The following TIMM23B variants were observed in gnomAD, a reference collection of about 807,000 sequenced individuals.
The protein encoded by TIMM23B is mitochondrial import inner membrane translocase subunit Tim23B.
In TIMM23B, 27 loss-of-function variants were observed where a neutral mutation model predicts 27.3. The observed-to-expected ratio is 0.99, with a 90% CI of 0.73 to 1.36. The LOEUF (loss-of-function observed/expected upper bound fraction) is 1.36, where lower values mean the gene tolerates loss of function less well. TIMM23B is among the 40% of genes most tolerant of loss of function. The pLI is 0.00. For synonymous variants in TIMM23B, 73 were observed against 92.4 expected, an observed-to-expected ratio of 0.79 and a Z score of 1.21; for missense variants, 205 against 244.2, an observed-to-expected ratio of 0.84 and a Z score of 1.07.
chr10:49,973,536 G>T lies in TIMM23B; in HGVS notation c.*472G>T. Reference sequence around the variant, plus strand: ...ACAAAAAAATGAAAACATTGGCTGGGCATGGTGGCTCATTCCTATAGTTCA... The same window carrying T: ...ACAAAAAAATGAAAACATTGGCTGGTCATGGTGGCTCATTCCTATAGTTCA... On this transcript the variant is annotated 3_prime_UTR_variant, in exon 7 of 7. Coordinates refer to ENST00000651259, the MANE Select transcript of TIMM23B (RefSeq NM_001290117.2). 1 of 157,764 alleles carries T rather than the reference G, an allele frequency of 6.3e-6. No homozygotes were observed. The highest frequency in any genetic ancestry group is 1.4e-5 in the Non-Finnish European group (1 of 71,876). 9.8% of individuals were successfully genotyped at this position (157,764 alleles called of 1,614,324 possible).
intron 6 of TIMM23B, chr10:49,972,640 TAAGA>T (rs1840502343): frequency 4.2e-6 from 1 of 237,530 alleles, no homozygotes; most frequent in African/African-American, 2.3e-5. Context: ...TGAATATGTT[TAAGA>T]AAGTATACTT....
Position 49,971,386 on chromosome 10 carries a change from A to G in TIMM23B, c.515-1626A>G, listed in dbSNP as rs1237332131. 5.9e-5 allele frequency among the ~76,000 whole-genome samples: 9 copies of G among 152,104 alleles called. 1 individual carries two copies. Among genetic ancestry groups the G allele is most frequent in the East Asian group, 1.9e-4 (1 of 5,192 alleles). On this transcript the variant is annotated intron_variant, in intron 6 of 6. Transcript: ENST00000651259. ...CATCTGCCCCAGAACTGCCTGTCCA[A>G]CCTGGACTGACATCATCCTTGTTAT... is the stretch of plus-strand genomic sequence containing the variant.
At chr10:49,953,696 T>A in intron 4 of TIMM23B, among the ~76,000 whole-genome samples, 1 of 152,064 alleles carries the variant, frequency 6.6e-6, no homozygotes, top group East Asian at 1.9e-4. Context: ...GTCCATGCTT[T>A]ACCAGCCTAG....
chr10:49,970,443 C>T (rs1216485123), intron 6 of TIMM23B: 22 of 165,278 alleles, frequency 1.3e-4, no homozygotes, highest in Non-Finnish European at 2.0e-4. Context: ...TGCCTGGCCG[C>T]GACCCCGTCT....
chr10:49,968,758 C>G (rs1840283082), intron 6 of TIMM23B, among the ~76,000 whole-genome samples: 1 of 152,016 alleles, frequency 6.6e-6, no homozygotes, highest in Non-Finnish European at 1.5e-5. Context: ...TGGCGTGAAC[C>G]TGGGAGGCAA....
chr10:49,970,384 G>A (rs1470234090), intron 6 of TIMM23B: 3 of 175,026 alleles, frequency 1.7e-5, no homozygotes, highest in African/African-American at 7.2e-5. Flanking sequence ...TCTGAGATGA[G>A]GGGAGCGCCT....
At chr10:49,970,745 G>A (rs1430638931) in intron 6 of TIMM23B, among the ~76,000 whole-genome samples, 1 of 151,006 alleles carries the variant, frequency 6.6e-6, no homozygotes, top group Non-Finnish European at 1.5e-5. Flanking sequence ...GCCCCGTCTG[G>A]GAGGTGGGGG....
intron 6 of TIMM23B, among the ~76,000 whole-genome samples, chr10:49,962,667 A>C (rs1839960471): frequency 6.6e-6 from 1 of 152,098 alleles, no homozygotes. Context: ...ACCTACCTGA[A>C]ATGCTGCATC....
intron 2 of TIMM23B, among the ~76,000 whole-genome samples, chr10:49,950,140 T>G (rs1839478850): frequency 6.6e-6 from 1 of 151,900 alleles, no homozygotes; most frequent in Non-Finnish European, 1.5e-5. Context: ...AAGGAAAATT[T>G]AAATATTTTT....
intron 2 of TIMM23B, among the ~76,000 whole-genome samples, chr10:49,946,578 A>G (rs1211217877): frequency 1.3e-5 from 2 of 152,004 alleles, no homozygotes; most frequent in Admixed American, 1.3e-4. Context: ...TGAAATTACA[A>G]AAAACAGTTG....
chr10:49,971,792 T>G (rs1316833042), intron 6 of TIMM23B, among the ~76,000 whole-genome samples: 1 of 152,232 alleles, frequency 6.6e-6, no homozygotes, highest in Non-Finnish European at 1.5e-5. Context: ...CCTTCCCTAT[T>G]TTTTACCATT....
intron 2 of TIMM23B, among the ~76,000 whole-genome samples, chr10:49,950,822 G>C (rs1282700117): frequency 6.6e-6 from 1 of 152,204 alleles, no homozygotes; most frequent in South Asian, 2.1e-4. Context: ...GATTACAGGC[G>C]GGAGGCACCG....
intron 4 of TIMM23B, 124 bp from the exon 5 acceptor site, chr10:49,954,878 A>G (rs1839663349): frequency 2.5e-6 from 2 of 787,662 alleles, no homozygotes; most frequent in African/African-American, 3.5e-5. Flanking sequence ...ATTAAGATGT[A>G]TTTTAGAATT....
intron 4 of TIMM23B, among the ~76,000 whole-genome samples, chr10:49,953,350 G>A (rs1839604087): frequency 1.3e-5 from 2 of 152,154 alleles, no homozygotes; most frequent in Non-Finnish European, 1.5e-5. Context: ...CTGTTAAATT[G>A]TGTGGTTTTT....
intron 6 of TIMM23B, among the ~76,000 whole-genome samples, chr10:49,962,306 G>T (rs1340229324): frequency 2.0e-5 from 3 of 151,480 alleles, no homozygotes; most frequent in Non-Finnish European, 4.4e-5. Flanking sequence ...GGGTTCAAGC[G>T]ATTCTCCTGC....
intron 6 of TIMM23B, among the ~76,000 whole-genome samples, chr10:49,965,316 CATGAAATGAAATGGGAAATGAAAT>C (rs1420352155): frequency 2.1e-4 from 31 of 149,650 alleles, no homozygotes; most frequent in Non-Finnish European, 2.4e-4. Flanking sequence ...GAGTCTCTGT[CATGAAATGAAATGGGAAATGAAAT>C]ATGAAATGAA....
Position 49,974,681 on chromosome 10 carries a change from T to C in TIMM23B, c.*1617T>C, listed in dbSNP as rs1388643309. 1 of 139,410 alleles carries C rather than the reference T, an allele frequency of 7.2e-6. No individual in the cohort carries two copies. Among genetic ancestry groups the C allele is most frequent in the Non-Finnish European group, 1.5e-5 (1 of 65,096 alleles). 8.6% of individuals were successfully genotyped at this position (139,410 alleles called of 1,614,324 possible). The stretch of plus-strand genomic sequence containing the variant: ...CTTGTAATTTTAAGAAAATAAATTA[T>C]TTTGTAAAGATAAATCTCATGTTTA... On this transcript the variant is annotated 3_prime_UTR_variant, in exon 7 of 7. Coordinates refer to ENST00000651259, the MANE Select transcript of TIMM23B (RefSeq NM_001290117.2).
chr10:49,942,415 C>T, intron 1 of TIMM23B, 115 bp downstream of exon 1: 1 of 1,534,954 alleles, frequency 6.5e-7, no homozygotes, highest in South Asian at 1.2e-5. Context: ...CGTTTACAAG[C>T]TTAAGTACCA....
intron 2 of TIMM23B, among the ~76,000 whole-genome samples, chr10:49,949,410 T>A (rs1839453102): frequency 6.6e-6 from 1 of 152,158 alleles, no homozygotes; most frequent in Non-Finnish European, 1.5e-5. Flanking sequence ...TTCCTTGATT[T>A]TTTTACTTTA....
Sources: allele counts gnomAD v4.1 joint callset (sites outside exome capture counted in the v4.1 genomes callset), GRCh38; gene constraint gnomAD v4.1.1; transcripts MANE v1.5; gene names NCBI Gene and HGNC (gene_info 2026-07-23, HGNC 2026-07-21).